Variants in SLC29A3 observed in about 807,000 individuals in gnomAD.
SLC29A3 encodes the protein solute carrier family 29 member 3.
SLC29A3 carries 18 observed loss-of-function variants against 25.4 expected under a neutral mutation model. The observed-to-expected ratio is 0.71, with a 90% CI of 0.49 to 1.05. The LOEUF is 1.05. SLC29A3 is among the 50% of genes least tolerant of loss of function. The pLI, the probability that SLC29A3 is intolerant of heterozygous loss-of-function variation, is 0.00. For missense variants in SLC29A3, 586 were observed against 609.0 expected, an observed-to-expected ratio of 0.96 and a Z score of 0.40; for synonymous variants, 258 against 267.1, an observed-to-expected ratio of 0.97 and a Z score of 0.33.
intron 2 of SLC29A3, among the ~76,000 whole-genome samples, chr10:71,331,306 G>A (rs1329857576): frequency 6.6e-6 from 1 of 152,154 alleles, no homozygotes; most frequent in Non-Finnish European, 1.5e-5. Flanking sequence ...GAGGATGGGG[G>A]GAGAGACAGA....
intron 2 of SLC29A3, among the ~76,000 whole-genome samples, chr10:71,341,912 C>T (rs1007402370): frequency 1.1e-4 from 16 of 152,316 alleles, no homozygotes; most frequent in African/African-American, 2.9e-4. Context: ...GGCTGGAGAC[C>T]GCCCTCAGCA....
At chr10:71,352,660 C>T (rs1846795978) in intron 4 of SLC29A3, 10 of 152,414 alleles carry the variant, frequency 6.6e-5, no homozygotes, top group Admixed American at 6.5e-4. Context: ...CCCAGCACCC[C>T]CAAGCTTTGG....
rs1385283155 is a variant in SLC29A3, at chr10:71,362,017, C to T, written c.837C>T (p.Asp279=). The T allele has an allele frequency of 3.1e-6, 5 of 1,614,024 alleles. No individual in the cohort carries two copies. The Admixed American group carries it at 6.7e-5, about 22-fold the overall frequency. Residue 279 remains aspartate (D), a synonymous_variant, in exon 6 of 6, where the codon GAC becomes GAT. Coordinates refer to ENST00000373189, the MANE Select transcript of SLC29A3 (RefSeq NM_018344.6). The part of the protein sequence containing the change: ...VFSGEEELPQ[D]SLSAPSVASR... ...CTGGTGAAGAGGAGCTTCCCCAGGA[C>T]TCCCTCAGTGCCCCTTCGGTGGCCT... is the stretch of plus-strand genomic sequence containing the variant.
chr10:71,326,521 A>AG (rs1845975497), intron 2 of SLC29A3, among the ~76,000 whole-genome samples: 1 of 152,192 alleles, frequency 6.6e-6, no homozygotes, highest in East Asian at 1.9e-4. Context: ...GTGGTAAATC[A>AG]CCTGGCCTAC....
At chr10:71,354,326 A>G (rs1176869059) in intron 4 of SLC29A3, among the ~76,000 whole-genome samples, 7 of 152,214 alleles carry the variant, frequency 4.6e-5, no homozygotes. Context: ...TCACACAACT[A>G]GAAGAAGTAG....
chr10:71,343,181 A>G (rs1846459665), intron 2 of SLC29A3, among the ~76,000 whole-genome samples: 1 of 152,164 alleles, frequency 6.6e-6, no homozygotes, highest in Non-Finnish European at 1.5e-5. Context: ...CTATTTGCCC[A>G]GGGTGGTCTC....
At chr10:71,375,444 AAC>A (rs1385015272) in intron 3 of SLC29A3, among the ~76,000 whole-genome samples, 6 of 152,346 alleles carry the variant, frequency 3.9e-5, no homozygotes, top group African/African-American at 1.2e-4. Context: ...ACTAAAACTC[AAC>A]AGTTTCCCTT....
At position 71,362,978 on chromosome 10, in the gene SLC29A3, C is replaced by T. The variant is rs893258086; in HGVS notation, c.*370C>T. On this transcript the variant is annotated 3_prime_UTR_variant, in exon 6 of 6. Transcript: ENST00000373189. Reference sequence around the variant, plus strand: ...CCAAAACCCAGCCATGGGCTCTTTGCAACCTCCCAGCTGCGCTCATTCCAG... The same window carrying T: ...CCAAAACCCAGCCATGGGCTCTTTGTAACCTCCCAGCTGCGCTCATTCCAG... The T allele has an allele frequency of 2.1e-6, 1 of 478,338 alleles. No individual in the cohort carries two copies. The allele number at this position is 478,338 out of a possible 1,614,324, so 29.6% of individuals were successfully genotyped here. A position where few individuals can be genotyped will look rare whatever the true frequency, so the allele number is the denominator to read the frequency against.
chr10:71,336,924 C>T (rs1349777164), intron 2 of SLC29A3, among the ~76,000 whole-genome samples: 1 of 152,132 alleles, frequency 6.6e-6, no homozygotes, highest in Non-Finnish European at 1.5e-5. Context: ...TGAGCCCAGG[C>T]CTGGAGCTGT....
chr10:71,329,926 C>T (rs1032560617), intron 2 of SLC29A3, among the ~76,000 whole-genome samples: 1 of 152,214 alleles, frequency 6.6e-6, no homozygotes, highest in Non-Finnish European at 1.5e-5. Context: ...GGGACAGTTT[C>T]CCCCTTGGAG....
chr10:71,320,358 C>T (rs1173350236), intron 1 of SLC29A3, among the ~76,000 whole-genome samples: 1 of 152,144 alleles, frequency 6.6e-6, no homozygotes, highest in East Asian at 1.9e-4. Flanking sequence ...TACATTTGTA[C>T]CATTTTGTGC....
At chr10:71,320,373 C>G (rs12263170) in intron 1 of SLC29A3, among the ~76,000 whole-genome samples, 11,876 of 152,234 alleles carry the variant, frequency 0.078, 650 homozygotes, top group African/African-American at 0.15. Flanking sequence ...TTGTGCCAGA[C>G]AAAATAGCAT....
At chr10:71,339,488 TGAGAATTCA>T (rs1846339417) in intron 2 of SLC29A3, among the ~76,000 whole-genome samples, 1 of 151,976 alleles carries the variant, frequency 6.6e-6, no homozygotes, top group South Asian at 2.1e-4. Flanking sequence ...CACGTGGGTT[TGAGAATTCA>T]GAGGTGACTG....
chr10:71,359,861 G>A (rs975535745), intron 5 of SLC29A3, among the ~76,000 whole-genome samples: 1 of 152,226 alleles, frequency 6.6e-6, no homozygotes, highest in African/African-American at 2.4e-5. Context: ...CAGTCAGCCT[G>A]TGTCTCCTGG....
At chr10:71,354,549 C>A (rs778654568) in intron 4 of SLC29A3, among the ~76,000 whole-genome samples, 1 of 152,190 alleles carries the variant, frequency 6.6e-6, no homozygotes, top group South Asian at 2.1e-4. Flanking sequence ...ATGGTGCGCA[C>A]GGTGGACGGG....
rs148092033 is a variant in SLC29A3, at chr10:71,362,326, C to T, written c.1146C>T (p.Phe382=). 4.4e-4 allele frequency: 703 copies of T among 1,614,170 alleles called. 3 individuals carry two copies. In the African/African-American group the frequency reaches 7.4e-3, roughly 17 times the overall value. Residue 382 remains phenylalanine (F), a synonymous_variant, in exon 6 of 6, where the codon TTC becomes TTT. Transcript: ENST00000373189. Reference sequence around the variant, plus strand: ...CCAATAGCAAGGCGCTCCCAGGGTTCGTGCTCCTCCGGACCTGCCTCATCC... The same window carrying T: ...CCAATAGCAAGGCGCTCCCAGGGTTTGTGCTCCTCCGGACCTGCCTCATCC... ...PGPNSKALPG[F]VLLRTCLIPL...
intron 3 of SLC29A3, among the ~76,000 whole-genome samples, chr10:71,345,564 A>G (rs1028231610): frequency 2.6e-5 from 4 of 152,220 alleles, no homozygotes; most frequent in African/African-American, 4.8e-5. Flanking sequence ...CCACCTCCCA[A>G]TGGAATTTGC....
At chr10:71,372,206 T>C (rs903745829) in intron 3 of SLC29A3, among the ~76,000 whole-genome samples, 14 of 152,190 alleles carry the variant, frequency 9.2e-5, no homozygotes, top group Admixed American at 3.9e-4. Context: ...TCCAGAGAAA[T>C]AGAGGAACTA....
At chr10:71,324,663 G>T (rs889878067) in intron 2 of SLC29A3, among the ~76,000 whole-genome samples, 1 of 152,178 alleles carries the variant, frequency 6.6e-6, no homozygotes, top group Non-Finnish European at 1.5e-5. Flanking sequence ...TACAGGGAGA[G>T]CTGGGTTCCA....
Sources: gnomAD v4.1 joint callset for allele counts (sites outside exome capture counted in the v4.1 genomes callset) on GRCh38, gnomAD v4.1.1 for gene constraint, MANE v1.5 for transcripts, NCBI Gene and HGNC (gene_info 2026-07-23, HGNC 2026-07-21) for gene names.